Variants in CYCS observed in about 807,000 individuals in gnomAD.
CYCS encodes cytochrome c.
For synonymous variants in CYCS, 41 were observed against 43.0 expected, an observed-to-expected ratio of 0.95 and a Z score of 0.18; for missense variants, 87 against 125.3, an observed-to-expected ratio of 0.69 and a Z score of 1.46.
intron 1 of CYCS, 48 bp from the exon 2 acceptor site, chr7:25,124,175 T>C: frequency 6.7e-7 from 1 of 1,487,176 alleles, no homozygotes; most frequent in Non-Finnish European, 9.3e-7. Flanking sequence ...AGGTAACAAA[T>C]ACAGTGTAAA....
intron 1 of CYCS, chr7:25,124,630 T>G: frequency 5.2e-6 from 1 of 191,636 alleles, no homozygotes. Context: ...CACTCGAACT[T>G]GTGAATGGGA....
intron 1 of CYCS, 137 bp from the exon 2 acceptor site, chr7:25,124,264 C>G: frequency 1.4e-6 from 1 of 729,140 alleles, no homozygotes; most frequent in Non-Finnish European, 2.4e-6. Flanking sequence ...TCTTGTTTTG[C>G]TTTAATACTC....
In CYCS at chr7:25,123,665, T is replaced by C. The variant is rs1413659796; in HGVS notation, c.*36A>G. ...GTACACATAAAAAAGTCATGAGACA[T>C]TTCTGTTTTGTAATAAATAAGGCAG... On this transcript the variant is annotated 3_prime_UTR_variant, in exon 3 of 3. Coordinates refer to ENST00000305786, the MANE Select transcript of CYCS (RefSeq NM_018947.6). 1 of 1,573,346 alleles carries C rather than the reference T, an allele frequency of 6.4e-7. No homozygotes were observed. The highest frequency in any genetic ancestry group is 1.3e-5 in the African/African-American group (1 of 74,396).
Position 25,119,586 on chromosome 7 carries a change from T to G in CYCS, c.*4115A>C, listed in dbSNP as rs1218101873. Among the ~76,000 whole-genome samples the G allele has an allele frequency of 6.6e-6, 1 of 151,668 alleles. No homozygotes were observed. The highest frequency in any genetic ancestry group is 1.5e-5 in the Non-Finnish European group (1 of 67,882). On this transcript the variant is annotated 3_prime_UTR_variant, in exon 3 of 3. Transcript: ENST00000305786. Reference sequence around the variant, plus strand: ...CTACTGCACCCAGACCACTTTTTTTTTTTTTAAAAGAGATGGAGTTTCCTT... The same window carrying G: ...CTACTGCACCCAGACCACTTTTTTTGTTTTTAAAAGAGATGGAGTTTCCTT...
intron 1 of CYCS, among the ~76,000 whole-genome samples, chr7:25,124,460 T>C (rs146924115): frequency 6.6e-6 from 1 of 152,302 alleles, no homozygotes; most frequent in East Asian, 1.9e-4. Flanking sequence ...GGCGAACACA[T>C]TAAGCCAAAA....
chr7:25,119,169 G>C lies in CYCS; in HGVS notation c.*4532C>G, dbSNP rs1267546618. ...GTATACTTCATCAGGCATATGCCTT[G>C]CATTACATAGCTCTCGCCCCCAACT... is the stretch of plus-strand genomic sequence containing the variant. On this transcript the variant is annotated 3_prime_UTR_variant, in exon 3 of 3. Transcript: ENST00000305786. Among the ~76,000 whole-genome samples the C allele has an allele frequency of 2.6e-5, 4 of 152,242 alleles. No homozygotes were observed. The highest frequency in any genetic ancestry group is 9.6e-5 in the African/African-American group (4 of 41,468).
In CYCS at chr7:25,122,640, GA is replaced by G. The variant is rs1156568794; in HGVS notation, c.*1060del. 1 of 152,238 alleles carries G rather than the reference GA, an allele frequency of 6.6e-6. No individual in the cohort carries two copies. The highest frequency in any genetic ancestry group is 1.5e-5 in the Non-Finnish European group (1 of 68,048). The allele number at this position is 152,238 out of a possible 1,614,324, so 9.4% of individuals were successfully genotyped here. On this transcript the variant is annotated 3_prime_UTR_variant, in exon 3 of 3. Coordinates refer to ENST00000305786, the MANE Select transcript of CYCS (RefSeq NM_018947.6). Reference sequence around the variant, plus strand: ...TTCTCAATCTGAGCAAAGAAACTAAGAGTCAATTAGTGAAGTGTTATTCTAG... The same window carrying G: ...TTCTCAATCTGAGCAAAGAAACTAAGGTCAATTAGTGAAGTGTTATTCTAG...
Position 25,123,962 on chromosome 7 carries a change from T to C in CYCS, c.158A>G (p.Asn53Ser), listed in dbSNP as rs747030332. Residue 53 changes from asparagine (N) to serine (S), a missense_variant, in exon 2 of 3, where the codon AAT becomes AGT. By Grantham distance (46) the Asn-to-Ser change is conservative. Coordinates refer to ENST00000305786, the MANE Select transcript of CYCS (RefSeq NM_018947.6). ...QAPGYSYTAA[N>S]KNKGIIWGED... is the part of the protein sequence containing the mutation. The stretch of plus-strand genomic sequence containing the variant: ...CAAGTGACTCTTACCTTTGTTCTTA[T>C]TGGCGGCTGTGTAAGAGTATCCAGG... 73 of 1,614,114 alleles carry C rather than the reference T, an allele frequency of 4.5e-5. No homozygotes were observed. Among genetic ancestry groups the C allele is most frequent in the Middle Eastern group, 1.6e-4 (1 of 6,084 alleles).
In CYCS at chr7:25,120,120, T is replaced by C. The variant is rs1368116136; in HGVS notation, c.*3581A>G. ...TTTTTTTTTTTGGAGACAGTTTCAC[T>C]CGTCACCCAGGCTTGAGTGCAGTGG... On this transcript the variant is annotated 3_prime_UTR_variant, in exon 3 of 3. Transcript: ENST00000305786. The C allele has an allele frequency of 2.0e-5, 3 of 150,990 alleles. No individual in the cohort carries two copies. The highest frequency in any genetic ancestry group is 4.4e-5 in the Non-Finnish European group (3 of 67,846). 9.4% of individuals were successfully genotyped at this position (150,990 alleles called of 1,614,324 possible).
At position 25,120,495 on chromosome 7, in the gene CYCS, A is replaced by G. The variant is rs1199275055; in HGVS notation, c.*3206T>C. On this transcript the variant is annotated 3_prime_UTR_variant, in exon 3 of 3. Coordinates refer to ENST00000305786, the MANE Select transcript of CYCS (RefSeq NM_018947.6). ...AGCCACTAGCCACTTGTGCCTATGT[A>G]AATTTAAAATAAAATACTTTCTAGT... 2 of 152,252 alleles carry G rather than the reference A, an allele frequency of 1.3e-5. No individual in the cohort carries two copies. The highest frequency in any genetic ancestry group is 2.9e-5 in the Non-Finnish European group (2 of 68,044). The allele number at this position is 152,252 out of a possible 1,614,324, so 9.4% of individuals were successfully genotyped here.
Position 25,123,739 on chromosome 7 carries a change from C to G in CYCS, c.280G>C (p.Asp94His). Reference protein sequence around the residue: ...VGIKKKEERADLIAYLKKATN... With the variant: ...VGIKKKEERAHLIAYLKKATN... ...GCTTTTTTGAGATAAGCTATTAAGT[C>G]TGCCCTTTCTTCCTTCTTCTTAATG... The change falls in exon 3 of 3, where the codon GAC (aspartate) becomes CAC (histidine). Residue 94 changes from aspartate (D) to histidine (H), a missense_variant. Transcript: ENST00000305786. 1.2e-6 allele frequency: 2 copies of G among 1,605,790 alleles called. No homozygotes were observed. Among genetic ancestry groups the G allele is most frequent in the East Asian group, 4.5e-5 (2 of 44,876 alleles).
At position 25,123,166 on chromosome 7, in the gene CYCS, A is replaced by T. The variant is rs1783388962; in HGVS notation, c.*535T>A. On this transcript the variant is annotated 3_prime_UTR_variant, in exon 3 of 3. Transcript: ENST00000305786. ...AAAATGCCTTTCAATAAGTAAAAGA[A>T]ACCATTTTAAATACAGGGAATTATA... is the stretch of plus-strand genomic sequence containing the variant. 1 of 162,080 alleles carries T rather than the reference A, an allele frequency of 6.2e-6. No homozygotes were observed. Among genetic ancestry groups the T allele is most frequent in the Admixed American group, 5.8e-5 (1 of 17,246 alleles). The allele number at this position is 162,080 out of a possible 1,614,324, so 10.0% of individuals were successfully genotyped here. A position where few individuals can be genotyped will look rare whatever the true frequency, so the allele number is the denominator to read the frequency against.
At chr7:25,124,667 C>G (rs560393688) in intron 1 of CYCS, 1 of 177,678 alleles carries the variant, frequency 5.6e-6, no homozygotes, top group South Asian at 1.1e-4. Flanking sequence ...CACGGTCCCC[C>G]GGGGACATCC....
At chr7:25,125,076 C>A (rs895873891) in intron 1 of CYCS, 124 bp downstream of exon 1, 1 of 152,470 alleles carries the variant, frequency 6.6e-6, no homozygotes, top group Non-Finnish European at 1.5e-5. Flanking sequence ...GTCTTCACTC[C>A]CCGCCCTCCC....
rs1783363998 is a variant in CYCS, at chr7:25,121,583, C to G, written c.*2118G>C. 1 of 151,964 alleles carries G rather than the reference C, an allele frequency of 6.6e-6. No homozygotes were observed. The highest frequency in any genetic ancestry group is 6.6e-5 in the Admixed American group (1 of 15,254). The allele number at this position is 151,964 out of a possible 1,614,324, so 9.4% of individuals were successfully genotyped here. A position where few individuals can be genotyped will look rare whatever the true frequency, so the allele number is the denominator to read the frequency against. On this transcript the variant is annotated 3_prime_UTR_variant, in exon 3 of 3. Coordinates refer to ENST00000305786, the MANE Select transcript of CYCS (RefSeq NM_018947.6). Reference sequence around the variant, plus strand: ...ATTTTAAACCTGAAAAAAAATTAAACCTAAGTTACTACTGGGCTGATTACT... The same window carrying G: ...ATTTTAAACCTGAAAAAAAATTAAAGCTAAGTTACTACTGGGCTGATTACT...
At position 25,123,622 on chromosome 7, in the gene CYCS, G is replaced by A. The variant is rs1239358414; in HGVS notation, c.*79C>T. The A allele has an allele frequency of 1.6e-6, 2 of 1,230,584 alleles. No individual in the cohort carries two copies. Among genetic ancestry groups the A allele is most frequent in the Non-Finnish European group, 2.4e-6 (2 of 847,236 alleles). 76.2% of individuals were successfully genotyped at this position (1,230,584 alleles called of 1,614,324 possible). A position where few individuals can be genotyped will look rare whatever the true frequency, so the allele number is the denominator to read the frequency against. On this transcript the variant is annotated 3_prime_UTR_variant, in exon 3 of 3. Transcript: ENST00000305786. Reference sequence around the variant, plus strand: ...ATTCATGATCTGAATTCTGGTGTATGAGATCTATTAAAGGATGGTACACAT... The same window carrying A: ...ATTCATGATCTGAATTCTGGTGTATAAGATCTATTAAAGGATGGTACACAT...
Position 25,119,757 on chromosome 7 carries a change from C to T in CYCS, c.*3944G>A, listed in dbSNP as rs1783330226. 6.6e-6 allele frequency among the ~76,000 whole-genome samples: 1 copy of T among 152,126 alleles called. No individual in the cohort carries two copies. The highest frequency in any genetic ancestry group is 1.5e-5 in the Non-Finnish European group (1 of 68,016). ...GCCCAGTTATCTAGTTTACTCTTAC[C>T]CAAGTATAAATGATATGAAACAATC... On this transcript the variant is annotated 3_prime_UTR_variant, in exon 3 of 3. Coordinates refer to ENST00000305786, the MANE Select transcript of CYCS (RefSeq NM_018947.6).
chr7:25,122,171 G>C lies in CYCS; in HGVS notation c.*1530C>G, dbSNP rs1355460703. 1 of 152,088 alleles carries C rather than the reference G, an allele frequency of 6.6e-6. No homozygotes were observed. Among genetic ancestry groups the C allele is most frequent in the African/African-American group, 2.4e-5 (1 of 41,410 alleles). The allele number at this position is 152,088 out of a possible 1,614,324, so 9.4% of individuals were successfully genotyped here. A position where few individuals can be genotyped will look rare whatever the true frequency, so the allele number is the denominator to read the frequency against. On this transcript the variant is annotated 3_prime_UTR_variant, in exon 3 of 3. Coordinates refer to ENST00000305786, the MANE Select transcript of CYCS (RefSeq NM_018947.6). Reference sequence around the variant, plus strand: ...GTCCTCTGCTACAAGGCCTTTCAAAGTCTGAAATCTTTAAAGGATTTCCAG... The same window carrying C: ...GTCCTCTGCTACAAGGCCTTTCAAACTCTGAAATCTTTAAAGGATTTCCAG...
rs1459440824 is a variant in CYCS at position 25,123,174 on chromosome 7, T to G, written c.*527A>C. On this transcript the variant is annotated 3_prime_UTR_variant, in exon 3 of 3. Coordinates refer to ENST00000305786, the MANE Select transcript of CYCS (RefSeq NM_018947.6). ...TTTCAATAAGTAAAAGAAACCATTTTAAATACAGGGAATTATAATTAGATT... is the reference window on the plus strand; with the variant it reads ...TTTCAATAAGTAAAAGAAACCATTTGAAATACAGGGAATTATAATTAGATT... The G allele has an allele frequency of 1.2e-5, 2 of 162,750 alleles. No homozygotes were observed. Among genetic ancestry groups the G allele is most frequent in the African/African-American group, 2.4e-5 (1 of 41,504 alleles). 10.1% of individuals were successfully genotyped at this position (162,750 alleles called of 1,614,324 possible). A position where few individuals can be genotyped will look rare whatever the true frequency, so the allele number is the denominator to read the frequency against.
Sources: allele counts gnomAD v4.1 joint callset (sites outside exome capture counted in the v4.1 genomes callset), GRCh38; gene constraint gnomAD v4.1.1; transcripts MANE v1.5; gene names NCBI Gene and HGNC (gene_info 2026-07-23, HGNC 2026-07-21).